The following TRAPPC9 variants were observed in gnomAD, a reference collection of about 807,000 sequenced individuals.
TRAPPC9 encodes IKK2 binding protein.
Under a neutral mutation model 124.0 loss-of-function variants are expected in TRAPPC9, and 83 were observed. That is an observed-to-expected ratio of 0.67 (90% CI 0.56 to 0.80). The LOEUF (loss-of-function observed/expected upper bound fraction) is 0.80, where lower values mean the gene tolerates loss of function less well. TRAPPC9 is among the 30% of genes least tolerant of loss of function. TRAPPC9 has a pLI of 0.00. For missense variants in TRAPPC9, 1,302 were observed against 1,508.3 expected (o/e 0.86, Z 2.27); for synonymous variants, 638 against 617.5 (o/e 1.03, Z -0.49).
chr8:140,349,360 AGGGCGCGCGAG>A (rs2067465779), intron 9 of TRAPPC9, among the ~76,000 whole-genome samples: 1 of 86,634 alleles, frequency 1.2e-5, no homozygotes, highest in Non-Finnish European at 2.4e-5. Context: ...GCGCGAGGGA[AGGGCGCGCGAG>A]GGAAGGGCAC....
chr8:140,226,505 C>T (rs544007821), intron 16 of TRAPPC9, among the ~76,000 whole-genome samples: 28 of 148,224 alleles, frequency 1.9e-4, no homozygotes, highest in African/African-American at 6.9e-4. Context: ...GACAGGAGAA[C>T]TGGTTGAACC....
intron 17 of TRAPPC9, among the ~76,000 whole-genome samples, chr8:140,131,387 TCACCATCTGTC>T (rs1338292307): frequency 6.6e-6 from 1 of 152,206 alleles, no homozygotes; most frequent in African/African-American, 2.4e-5. Flanking sequence ...TTTAACACGA[TCACCATCTGTC>T]CAGTGTTAGC....
At chr8:140,235,681 T>G (rs747628315) in intron 16 of TRAPPC9, among the ~76,000 whole-genome samples, 25 of 152,206 alleles carry the variant, frequency 1.6e-4, no homozygotes, top group Non-Finnish European at 2.9e-5. Context: ...AGTTCATACA[T>G]AGTGCTGGGA....
At chr8:140,242,103 G>T (rs1289037811) in intron 16 of TRAPPC9, among the ~76,000 whole-genome samples, 2 of 151,634 alleles carry the variant, frequency 1.3e-5, no homozygotes, top group Non-Finnish European at 2.9e-5. Flanking sequence ...CCAGGGTACG[G>T]CATGCAAGGG....
At chr8:139,840,999 C>CA (rs1826692342) in intron 21 of TRAPPC9, among the ~76,000 whole-genome samples, 1 of 152,182 alleles carries the variant, frequency 6.6e-6, no homozygotes, top group South Asian at 2.1e-4. Flanking sequence ...TGAAGCAAGA[C>CA]AAATTCACTG....
At chr8:139,880,729 G>A (rs761975290) in intron 21 of TRAPPC9, among the ~76,000 whole-genome samples, 84 of 152,134 alleles carry the variant, frequency 5.5e-4, no homozygotes, top group Non-Finnish European at 1.8e-4. Context: ...TCAGAAAATC[G>A]AATCAAAATG....
At chr8:140,433,415 C>G (rs1024795642) in intron 4 of TRAPPC9, among the ~76,000 whole-genome samples, 1 of 152,012 alleles carries the variant, frequency 6.6e-6, no homozygotes, top group Non-Finnish European at 1.5e-5. Context: ...ATGGTGAAAC[C>G]GCATCTCTAC....
intron 21 of TRAPPC9, among the ~76,000 whole-genome samples, chr8:139,853,494 T>C (rs979736737): frequency 6.6e-6 from 1 of 152,220 alleles, no homozygotes; most frequent in Non-Finnish European, 1.5e-5. Flanking sequence ...CTGAATCACC[T>C]GCACCTAGCA....
In TRAPPC9 at chr8:139,910,312, G is replaced by C. The variant is rs1279283897; in HGVS notation, c.2811-12C>G. ...CTTGAATAGCCATTCTACGAGAAAGGGGAAAACACAGCAGAGAATTCATCA... is the reference window on the plus strand; with the variant it reads ...CTTGAATAGCCATTCTACGAGAAAGCGGAAAACACAGCAGAGAATTCATCA... On this transcript the variant is annotated splice_polypyrimidine_tract_variant and intron_variant, in intron 19 of 22. Transcript: ENST00000438773. 8 of 1,614,024 alleles carry C rather than the reference G, an allele frequency of 5.0e-6. No homozygotes were observed. The highest frequency in any genetic ancestry group is 6.8e-6 in the Non-Finnish European group (8 of 1,180,036).
chr8:140,127,354 A>G (rs1489303386), intron 17 of TRAPPC9, among the ~76,000 whole-genome samples: 1 of 152,172 alleles, frequency 6.6e-6, no homozygotes, highest in Non-Finnish European at 1.5e-5. Flanking sequence ...ACAACCAACT[A>G]TGTTAGAGTA....
In TRAPPC9 at chr8:140,087,686, T is replaced by C. The variant is rs1044420196; in HGVS notation, c.2557-63607A>G. 1.3e-5 allele frequency among the ~76,000 whole-genome samples: 2 copies of C among 152,160 alleles called. No individual in the cohort carries two copies. Among genetic ancestry groups the C allele is most frequent in the Non-Finnish European group, 2.9e-5 (2 of 68,030 alleles). ...CCTCATCCAAGCCACTGTCATCGCT[T>C]GTCTGGACAATGCCACTGGCTCCCC... is the stretch of plus-strand genomic sequence containing the variant. On this transcript the variant is annotated intron_variant, in intron 17 of 22. Transcript: ENST00000438773. The surrounding 1 kb of genome is among the most constrained non-coding windows in gnomAD (Gnocchi z 4.6).
intron 7 of TRAPPC9, among the ~76,000 whole-genome samples, chr8:140,376,220 C>G (rs531136174): frequency 6.6e-6 from 1 of 152,194 alleles, no homozygotes; most frequent in South Asian, 2.1e-4. Context: ...CCTGGTCCCT[C>G]AAAACTTCAT....
intron 9 of TRAPPC9, among the ~76,000 whole-genome samples, chr8:140,346,512 C>T (rs1468731803): frequency 6.6e-6 from 1 of 152,184 alleles, no homozygotes; most frequent in East Asian, 1.9e-4. Flanking sequence ...AGCTCAAACA[C>T]CACAATTTTA....
chr8:139,956,201 G>A (rs939737805), intron 19 of TRAPPC9, among the ~76,000 whole-genome samples: 2 of 151,456 alleles, frequency 1.3e-5, no homozygotes, highest in African/African-American at 2.4e-5. Flanking sequence ...TCACACTGTC[G>A]CCTGGGCTGG....
chr8:140,183,613 C>G, intron 17 of TRAPPC9, among the ~76,000 whole-genome samples: 1 of 151,978 alleles, frequency 6.6e-6, no homozygotes, highest in East Asian at 1.9e-4. Context: ...AATCCCAGCA[C>G]TTTGGGAGGC....
chr8:139,979,771 G>A (rs1401945918), intron 19 of TRAPPC9, among the ~76,000 whole-genome samples: 1 of 152,190 alleles, frequency 6.6e-6, no homozygotes, highest in Non-Finnish European at 1.5e-5. Flanking sequence ...ACAGCGTCGA[G>A]GACAGGACAG....
At chr8:139,771,483 C>T (rs1820956626) in intron 21 of TRAPPC9, among the ~76,000 whole-genome samples, 1 of 152,156 alleles carries the variant, frequency 6.6e-6, no homozygotes, top group Non-Finnish European at 1.5e-5. Flanking sequence ...CTGAAGCCTG[C>T]AACCCTGGCC....
intron 16 of TRAPPC9, among the ~76,000 whole-genome samples, chr8:140,237,102 G>A (rs1307211606): frequency 6.6e-6 from 1 of 152,048 alleles, no homozygotes; most frequent in East Asian, 1.9e-4. Context: ...AATCACTTGA[G>A]CCTGGGAGGT....
intron 17 of TRAPPC9, among the ~76,000 whole-genome samples, chr8:140,114,525 C>T (rs2060842766): frequency 6.6e-6 from 1 of 152,112 alleles, no homozygotes; most frequent in African/African-American, 2.4e-5. Flanking sequence ...TTAATGTAGC[C>T]ATCCTTGGCA....
Sources: gnomAD v4.1 joint callset for allele counts (sites outside exome capture counted in the v4.1 genomes callset) on GRCh38, gnomAD v4.1.1 for gene constraint, Gnocchi (gnomAD v3.1) non-coding constraint, MANE v1.5 for transcripts, NCBI Gene and HGNC (gene_info 2026-07-23, HGNC 2026-07-21) for gene names.